The following CDIN1 variants were observed in gnomAD, a reference collection of about 807,000 sequenced individuals.
CDIN1 encodes CDAN1-interacting nuclease 1.
In CDIN1, 33 loss-of-function variants were observed where a neutral mutation model predicts 45.3. The ratio of observed to expected loss-of-function variants is 0.73; its 90% CI spans 0.55 to 0.97. CDIN1 has a LOEUF of 0.97. Ranked by LOEUF, CDIN1 falls within the 50% of genes least tolerant of loss-of-function variation. CDIN1 has a pLI of 0.00. For synonymous variants in CDIN1, 118 were observed against 124.4 expected (o/e 0.95, Z 0.34); for missense variants, 303 against 339.4 (o/e 0.89, Z 0.84).
chr15:36,632,538 C>G (rs1275483362), intron 1 of CDIN1, among the ~76,000 whole-genome samples: 1 of 152,116 alleles, frequency 6.6e-6, no homozygotes. Flanking sequence ...ATAAGATGAT[C>G]TTTGTTTATA....
intron 1 of CDIN1, among the ~76,000 whole-genome samples, chr15:36,626,010 A>G (rs1207067406): frequency 6.6e-6 from 1 of 151,984 alleles, no homozygotes; most frequent in Admixed American, 6.5e-5. Flanking sequence ...AAAATAGTTT[A>G]TATGTTCTTA....
intron 10 of CDIN1, among the ~76,000 whole-genome samples, chr15:36,781,820 C>T (rs1325337036): frequency 6.6e-6 from 1 of 152,196 alleles, no homozygotes; most frequent in African/African-American, 2.4e-5. Context: ...CATTCATTCA[C>T]AAGTATTTAT....
At chr15:36,708,285 C>T (rs148775262) in intron 8 of CDIN1, 1 of 152,192 alleles carries the variant, frequency 6.6e-6, no homozygotes, top group East Asian at 1.9e-4. Context: ...AGAGACCACA[C>T]AGCCTTCCTT....
At chr15:36,768,975 C>G (rs1321508806) in intron 10 of CDIN1, among the ~76,000 whole-genome samples, 1 of 151,884 alleles carries the variant, frequency 6.6e-6, no homozygotes, top group Admixed American at 6.6e-5. Flanking sequence ...AGAGAACTGG[C>G]CTGAGATCTG....
intron 10 of CDIN1, among the ~76,000 whole-genome samples, chr15:36,721,054 C>G (rs775202222): frequency 6.6e-6 from 1 of 152,088 alleles, no homozygotes; most frequent in Non-Finnish European, 1.5e-5. Context: ...TTTCATGTGT[C>G]TGTTGGCTGC....
At chr15:36,600,933 A>G (rs577980763) in intron 1 of CDIN1, among the ~76,000 whole-genome samples, 2 of 152,208 alleles carry the variant, frequency 1.3e-5, no homozygotes, top group African/African-American at 2.4e-5. Context: ...TCCTATTTCA[A>G]TGGTTAATTC....
chr15:36,613,456 T>C (rs746913581), intron 1 of CDIN1: 42 of 1,540,924 alleles, frequency 2.7e-5, no homozygotes, highest in Non-Finnish European at 3.6e-5. Flanking sequence ...GCGTGAGCAG[T>C]AGCTAGGTGG....
intron 5 of CDIN1, among the ~76,000 whole-genome samples, chr15:36,681,900 G>A (rs140904232): frequency 2.9e-4 from 44 of 152,222 alleles, no homozygotes; most frequent in Non-Finnish European, 5.3e-4. Context: ...TAAATGAAAT[G>A]CTTCAGTAAC....
intron 10 of CDIN1, among the ~76,000 whole-genome samples, chr15:36,718,228 G>A (rs1382863894): frequency 1.3e-5 from 2 of 151,900 alleles, no homozygotes; most frequent in African/African-American, 4.8e-5. Flanking sequence ...TCCATCATCG[G>A]TTTGTCTATA....
rs147707658 is a variant in CDIN1 at position 36,582,798 on chromosome 15, C to T, written c.101+2837C>T. Among the ~76,000 whole-genome samples the T allele has an allele frequency of 3.4e-3, 511 of 152,296 alleles. 4 individuals carry two copies. The highest frequency in any genetic ancestry group is 0.012 in the African/African-American group (487 of 41,554). On this transcript the variant is annotated intron_variant, in intron 1 of 10. Coordinates refer to ENST00000566621, the MANE Select transcript of CDIN1 (RefSeq NM_001321759.2). The stretch of plus-strand genomic sequence containing the variant: ...CCTTTTACTAGCAGAGCGTGAGAGT[C>T]TCTGTCTCTGCAACTTTTCCAGTAT...
chr15:36,737,921 C>A (rs1005276959), intron 10 of CDIN1, among the ~76,000 whole-genome samples: 1 of 152,152 alleles, frequency 6.6e-6, no homozygotes, highest in Non-Finnish European at 1.5e-5. Flanking sequence ...CAGAACTCAC[C>A]TTTACTTGAC....
chr15:36,757,426 G>A (rs1334412745), intron 10 of CDIN1, among the ~76,000 whole-genome samples: 2 of 152,178 alleles, frequency 1.3e-5, no homozygotes, highest in African/African-American at 4.8e-5. Flanking sequence ...CTATCAATCC[G>A]ATACAAAATG....
intron 5 of CDIN1, among the ~76,000 whole-genome samples, chr15:36,679,023 G>A (rs186537336): frequency 2.6e-5 from 4 of 152,256 alleles, no homozygotes; most frequent in East Asian, 1.9e-4. Flanking sequence ...CTATTATGTC[G>A]TTATAGACAA....
chr15:36,737,616 G>A (rs957851530), intron 10 of CDIN1, among the ~76,000 whole-genome samples: 1 of 152,088 alleles, frequency 6.6e-6, no homozygotes, highest in Non-Finnish European at 1.5e-5. Flanking sequence ...GCTAGTTACT[G>A]TCCAGTTAAT....
At chr15:36,638,489 A>G (rs2140379272) in intron 1 of CDIN1, among the ~76,000 whole-genome samples, 1 of 152,338 alleles carries the variant, frequency 6.6e-6, no homozygotes, top group East Asian at 1.9e-4. Context: ...TATATTTAAT[A>G]TGAAGTGAAT....
chr15:36,595,716 G>A (rs1352981342), intron 1 of CDIN1, among the ~76,000 whole-genome samples: 5 of 152,186 alleles, frequency 3.3e-5, no homozygotes, highest in South Asian at 4.1e-4. Flanking sequence ...AGGACATAAC[G>A]AATTGACGAG....
chr15:36,723,747 A>G (rs960788614), intron 10 of CDIN1, among the ~76,000 whole-genome samples: 8 of 152,190 alleles, frequency 5.3e-5, no homozygotes, highest in African/African-American at 1.4e-4. Flanking sequence ...TTCCTAATGC[A>G]ACAAGTTCTA....
intron 10 of CDIN1, among the ~76,000 whole-genome samples, chr15:36,786,048 T>G (rs980867126): frequency 3.9e-5 from 6 of 152,188 alleles, no homozygotes; most frequent in Admixed American, 3.3e-4. Context: ...ATCCTGACTT[T>G]CCAGTGGTTT....
At chr15:36,662,786 T>A (rs1304806483) in intron 5 of CDIN1, among the ~76,000 whole-genome samples, 3 of 151,830 alleles carry the variant, frequency 2.0e-5, no homozygotes, top group African/African-American at 7.3e-5. Flanking sequence ...ATGTATCATG[T>A]GTGTACGTAA....
Sources: allele counts gnomAD v4.1 joint callset (sites outside exome capture counted in the v4.1 genomes callset), GRCh38; gene constraint gnomAD v4.1.1; transcripts MANE v1.5; gene names NCBI Gene and HGNC (gene_info 2026-07-23, HGNC 2026-07-21).